The following INTS6 variants were observed in gnomAD, a reference collection of about 807,000 sequenced individuals.
INTS6 encodes the protein integrator complex subunit 6.
In INTS6, 16 loss-of-function variants were observed where a neutral mutation model predicts 104.9. That is an observed-to-expected ratio of 0.15 (90% CI 0.10 to 0.23). The LOEUF (loss-of-function observed/expected upper bound fraction) is 0.23, where lower values mean the gene tolerates loss of function less well. INTS6 is among the 10% of genes least tolerant of loss of function. The probability of loss-of-function intolerance (pLI) is 1.00; values close to 1 mark genes in which losing one functional copy is unlikely to be tolerated. For missense variants in INTS6, 584 were observed against 1,062.8 expected (o/e 0.55, Z 6.26); for synonymous variants, 324 against 358.7 (o/e 0.90, Z 1.09).
downstream of INTS6, among the ~76,000 whole-genome samples, chr13:51,352,012 G>T (rs1452721171): frequency 1.3e-5 from 2 of 151,976 alleles, no homozygotes; most frequent in Non-Finnish European, 2.9e-5. Context: ...TTGTATATTT[G>T]CCAGTACCAC....
At chr13:51,435,982 A>T (rs896268573) in intron 3 of INTS6, among the ~76,000 whole-genome samples, 2 of 152,110 alleles carry the variant, frequency 1.3e-5, no homozygotes, top group African/African-American at 2.4e-5. Flanking sequence ...CAAATTTCAC[A>T]TTTGTTTTAG....
At chr13:51,336,449 C>T in the INTS6 span, among the ~76,000 whole-genome samples, 6 of 152,036 alleles carry the variant, frequency 3.9e-5, no homozygotes, top group East Asian at 3.9e-4. Context: ...GTCGTGCCAC[C>T]GCACTCCAGC....
the INTS6 span, among the ~76,000 whole-genome samples, chr13:51,344,041 T>C: frequency 3.3e-5 from 5 of 152,352 alleles, no homozygotes; most frequent in Admixed American, 3.3e-4. Context: ...ATATCTAGCA[T>C]GGTTTCTTCC....
chr13:51,363,615 G>A lies in INTS6; in HGVS notation c.*2137C>T, dbSNP rs1955627327. 6.6e-6 allele frequency: 1 copy of A among 151,860 alleles called. No individual in the cohort carries two copies. Among genetic ancestry groups the A allele is most frequent in the African/African-American group, 2.4e-5 (1 of 41,374 alleles). The allele number at this position is 151,860 out of a possible 1,614,324, so 9.4% of individuals were successfully genotyped here. A position where few individuals can be genotyped will look rare whatever the true frequency, so the allele number is the denominator to read the frequency against. On this transcript the variant is annotated 3_prime_UTR_variant, in exon 18 of 18. Coordinates refer to ENST00000311234, the MANE Select transcript of INTS6 (RefSeq NM_012141.3). ...CCTAAAAGACATGATGTTTCCCCTA[G>A]ATGTATTTCCCTTCCCCTTTGACAA...
chr13:51,354,079 T>C (rs1168064762), exon 4 of INTS6: 1 of 152,184 alleles, frequency 6.6e-6, no homozygotes, highest in African/African-American at 2.4e-5. Context: ...ACAGCAAATA[T>C]GAAAATATAT....
intron 4 of INTS6, among the ~76,000 whole-genome samples, chr13:51,403,439 G>A (rs9526758): frequency 0.12 from 17,860 of 151,750 alleles, 1,313 homozygotes; most frequent in South Asian, 0.21. Context: ...AAAATTATCC[G>A]GGCGTGGTGG....
intron 6 of INTS6, 133 bp from the exon 7 acceptor site, chr13:51,387,673 C>T: frequency 1.5e-6 from 1 of 670,078 alleles, no homozygotes; most frequent in Non-Finnish European, 2.3e-6. Context: ...TCCTATTTTT[C>T]TTAAATGGCA....
At chr13:51,417,120 T>C (rs1014701598) in intron 4 of INTS6, among the ~76,000 whole-genome samples, 3 of 152,224 alleles carry the variant, frequency 2.0e-5, no homozygotes, top group East Asian at 1.9e-4. Flanking sequence ...CTGGATATCA[T>C]GCCCTTCACA....
chr13:51,376,831 A>ACACAC (rs1210153399), intron 12 of INTS6, among the ~76,000 whole-genome samples: 1 of 152,136 alleles, frequency 6.6e-6, no homozygotes, highest in Non-Finnish European at 1.5e-5. Flanking sequence ...TATTATATGG[A>ACACAC]CACACCACAT....
chr13:51,354,913 G>A, intron 3 of INTS6: 1 of 624,740 alleles, frequency 1.6e-6, no homozygotes, highest in Non-Finnish European at 2.9e-6. Flanking sequence ...CGCCATGGAA[G>A]ATGAAGCTGG....
intron 4 of INTS6, among the ~76,000 whole-genome samples, chr13:51,418,655 G>T (rs1022074981): frequency 6.6e-6 from 1 of 152,028 alleles, no homozygotes; most frequent in Non-Finnish European, 1.5e-5. Context: ...CATCCAAAAG[G>T]AATTTTTGAT....
At chr13:51,358,936 T>C (rs756245132), downstream of INTS6, among the ~76,000 whole-genome samples, 42 of 152,066 alleles carry the variant, frequency 2.8e-4, no homozygotes, top group Non-Finnish European at 4.4e-5. Context: ...GGTGGTTCTA[T>C]GGTTAAACGC....
intron 4 of INTS6, among the ~76,000 whole-genome samples, chr13:51,396,315 T>C (rs559649046): frequency 3.3e-5 from 5 of 152,340 alleles, no homozygotes; most frequent in Admixed American, 1.3e-4. Context: ...AATGTAGTGA[T>C]TCTTACCACA....
chr13:51,346,006 C>G, the INTS6 span, among the ~76,000 whole-genome samples: 3 of 152,124 alleles, frequency 2.0e-5, no homozygotes, highest in South Asian at 4.1e-4. Flanking sequence ...GTGGCTTCAC[C>G]CCTCATAAGT....
Position 51,375,766 on chromosome 13 carries a change from T to TGTGTGTGC in INTS6, c.1729+281_1729+282insGCACACAC, listed in dbSNP as rs1003965942. Among the ~76,000 whole-genome samples, 408 of 147,300 alleles carry TGTGTGTGC rather than the reference T, an allele frequency of 2.8e-3. 2 individuals are homozygous for TGTGTGTGC. Among genetic ancestry groups the TGTGTGTGC allele is most frequent in the African/African-American group, 9.6e-3 (385 of 39,942 alleles). On this transcript the variant is annotated intron_variant, in intron 13 of 17. Coordinates refer to ENST00000311234, the MANE Select transcript of INTS6 (RefSeq NM_012141.3). ...GTGTGTGTGTGTGTGTGTGTGTGTG[T>TGTGTGTGC]GCGCGCGCGTGCGCGCATGAATGCA...
In INTS6 at chr13:51,399,866, A is replaced by G. The variant is rs374191901; in HGVS notation, c.430-4383T>C. On this transcript the variant is annotated intron_variant, in intron 4 of 17. Transcript: ENST00000311234. ...TAAAGTCTTCTGCTTATTATTTTTA[A>G]TTGGGTTGTCTAGCTTTCTCTTATT... Among the ~76,000 whole-genome samples, 3 of 152,206 alleles carry G rather than the reference A, an allele frequency of 2.0e-5. No individual in the cohort carries two copies. In the East Asian group the frequency reaches 5.8e-4, roughly 29 times the overall value.
intron 4 of INTS6, among the ~76,000 whole-genome samples, chr13:51,426,063 T>C (rs1354682519): frequency 6.6e-6 from 1 of 152,010 alleles, no homozygotes; most frequent in East Asian, 1.9e-4. Context: ...TAGAAATACA[T>C]TCATGACACT....
chr13:51,369,083 T>G lies in INTS6; in HGVS notation c.2332A>C (p.Arg778=). The change falls in exon 16 of 18, where the codon AGA becomes CGA. Residue 778 remains arginine (R), a synonymous_variant. Transcript: ENST00000311234. ...GGFLENHEEP[R]DKEQCAEENI... ...TCTTCAGCACATTGTTCTTTATCTC[T>G]TGGCTCCTCATGATTTTCTAAAAAT... 1 of 1,613,906 alleles carries G rather than the reference T, an allele frequency of 6.2e-7. No homozygotes were observed. The highest frequency in any genetic ancestry group is 8.5e-7 in the Non-Finnish European group (1 of 1,179,834).
chr13:51,451,743 G>A (rs1009138238), intron 2 of INTS6, among the ~76,000 whole-genome samples: 2 of 149,828 alleles, frequency 1.3e-5, no homozygotes, highest in Non-Finnish European at 3.0e-5. Context: ...CGCCGCCGCC[G>A]CCGCTGCCGG....
Sources: gnomAD v4.1 joint callset for allele counts (sites outside exome capture counted in the v4.1 genomes callset) on GRCh38, gnomAD v4.1.1 for gene constraint, MANE v1.5 for transcripts, NCBI Gene and HGNC (gene_info 2026-07-23, HGNC 2026-07-21) for gene names.